PATL2: variants seen among roughly 807,000 people sequenced by gnomAD.
The protein encoded by PATL2 is PAT1 homolog 2, also known as protein PAT1 homolog 2.
Under a neutral mutation model 77.0 loss-of-function variants are expected in PATL2, and 73 were observed. The observed-to-expected ratio is 0.95, with a 90% confidence interval of 0.78 to 1.15. The LOEUF is 1.15. PATL2 is among the 50% of genes most tolerant of loss of function. The probability of loss-of-function intolerance (pLI) is 0.00; values close to 1 mark genes in which losing one functional copy is unlikely to be tolerated. For missense variants in PATL2, 618 were observed against 655.4 expected (o/e 0.94, Z 0.62); for synonymous variants, 265 against 257.1 (o/e 1.03, Z -0.29).
At position 44,698,961 on chromosome 15, in the gene PATL2, A is replaced by T. The variant is rs531357101; in HGVS notation, c.-76+11135T>A. ...TTTAATGAGGGTGAGCTGATATCTC[A>T]TTGTAGTTTTGATTTGCATTTGTCT... On this transcript the variant is annotated intron_variant, in intron 3 of 17. Transcript: ENST00000682850. Among the ~76,000 whole-genome samples, 13 of 152,174 alleles carry T rather than the reference A, an allele frequency of 8.5e-5. No individual in the cohort carries two copies. The East Asian group carries it at 2.3e-3, about 27-fold the overall frequency.
intron 9 of PATL2, among the ~76,000 whole-genome samples, 184 bp from the exon 10 acceptor site, chr15:44,670,271 C>T (rs1329226507): frequency 6.6e-6 from 1 of 152,196 alleles, no homozygotes; most frequent in Non-Finnish European, 1.5e-5. Context: ...CAATCTCTGG[C>T]TCACTGCAAC....
At chr15:44,695,191 A>T (rs969029935) in intron 3 of PATL2, among the ~76,000 whole-genome samples, 1 of 152,114 alleles carries the variant, frequency 6.6e-6, no homozygotes, top group African/African-American at 2.4e-5. Flanking sequence ...CCCTCAAAAA[A>T]AAAAAAGCAG....
chr15:44,688,269 A>AAAT (rs1195237181), intron 3 of PATL2, among the ~76,000 whole-genome samples: 3 of 150,946 alleles, frequency 2.0e-5, no homozygotes, highest in Admixed American at 6.6e-5. Context: ...AAAACTAGCT[A>AAAT]AATAATAATA....
chr15:44,686,518 C>T (rs578095289), intron 3 of PATL2, among the ~76,000 whole-genome samples: 1 of 152,166 alleles, frequency 6.6e-6, no homozygotes, highest in African/African-American at 2.4e-5. Context: ...TAAGAGCAAA[C>T]AAATTCAAAA....
At chr15:44,698,499 T>G (rs1485053082) in intron 3 of PATL2, among the ~76,000 whole-genome samples, 1 of 152,116 alleles carries the variant, frequency 6.6e-6, no homozygotes, top group Non-Finnish European at 1.5e-5. Context: ...AAGTTTGTCT[T>G]TCTATGCCTG....
chr15:44,707,496 T>A (rs1483261611), intron 3 of PATL2, among the ~76,000 whole-genome samples: 2 of 152,194 alleles, frequency 1.3e-5, no homozygotes, highest in African/African-American at 4.8e-5. Context: ...GGTTCCCTTC[T>A]GGCCCAGGGT....
chr15:44,701,027 T>C (rs1416134541), intron 3 of PATL2, among the ~76,000 whole-genome samples: 1 of 152,146 alleles, frequency 6.6e-6, no homozygotes, highest in Non-Finnish European at 1.5e-5. Context: ...GAAATGATCA[T>C]ATGGTTTTTG....
At chr15:44,666,120 C>T in intron 17 of PATL2, 149 bp from the exon 18 acceptor site, 1 of 905,150 alleles carries the variant, frequency 1.1e-6, no homozygotes, top group Non-Finnish European at 1.7e-6. Flanking sequence ...AGTTGTCCCT[C>T]AAGTATTTCT....
chr15:44,672,541 GATGGACA>G lies in PATL2; in HGVS notation c.447-92_447-86del, dbSNP rs2085742585. On this transcript the variant is annotated intron_variant, in intron 7 of 17. Transcript: ENST00000682850. Reference sequence around the variant, plus strand: ...CATTCATTCAGCCCAGGTCAGCTCTGATGGACATCTAAGGAACCTTATCTGTTTAGGT... The same window carrying G: ...CATTCATTCAGCCCAGGTCAGCTCTGTCTAAGGAACCTTATCTGTTTAGGT... 26 of 1,315,418 alleles carry G rather than the reference GATGGACA, an allele frequency of 2.0e-5. No individual in the cohort carries two copies. In the South Asian group the frequency reaches 3.3e-4, roughly 16 times the overall value. 81.5% of individuals were successfully genotyped at this position (1,315,418 alleles called of 1,614,324 possible).
chr15:44,674,555 TTATA>T (rs572307534), intron 5 of PATL2: 1 of 163,324 alleles, frequency 6.1e-6, no homozygotes, highest in African/African-American at 2.4e-5. Flanking sequence ...CTATGATAGT[TTATA>T]TATATATTTA....
chr15:44,678,822 T>C (rs1901526), intron 3 of PATL2, among the ~76,000 whole-genome samples: 1,919 of 152,202 alleles, frequency 0.013, 49 homozygotes, highest in African/African-American at 0.044. Flanking sequence ...ACATTAGAAA[T>C]ATTTACATTT....
At chr15:44,693,761 T>G (rs190734498) in intron 3 of PATL2, among the ~76,000 whole-genome samples, 224 of 152,122 alleles carry the variant, frequency 1.5e-3, no homozygotes, top group Non-Finnish European at 2.9e-3. Context: ...GGCGTGATCT[T>G]GGCTCACTGC....
intron 3 of PATL2, among the ~76,000 whole-genome samples, chr15:44,708,262 G>T (rs2141277492): frequency 6.6e-6 from 1 of 152,210 alleles, no homozygotes; most frequent in East Asian, 1.9e-4. Context: ...ATTCAATTTG[G>T]TGTTCCTGCA....
intron 3 of PATL2, among the ~76,000 whole-genome samples, chr15:44,708,149 C>T (rs148731080): frequency 9.8e-5 from 15 of 152,372 alleles, no homozygotes; most frequent in African/African-American, 3.4e-4. Flanking sequence ...CTGTCTTACC[C>T]TCTTCAGTTA....
At position 44,668,329 on chromosome 15, in the gene PATL2, C is replaced by T; in HGVS notation, c.1365+13G>A. ...AAAGCCATCTATGGAAAAAAGCCTC[C>T]TAGACATGTTACCTGATTCTGAAGC... On this transcript the variant is annotated intron_variant, in intron 15 of 17. Transcript: ENST00000682850. 1 of 1,549,038 alleles carries T rather than the reference C, an allele frequency of 6.5e-7. No homozygotes were observed. Among genetic ancestry groups the T allele is most frequent in the Non-Finnish European group, 8.7e-7 (1 of 1,146,322 alleles).
At chr15:44,695,714 A>C (rs1404892187) in intron 3 of PATL2, among the ~76,000 whole-genome samples, 1 of 152,202 alleles carries the variant, frequency 6.6e-6, no homozygotes, top group East Asian at 1.9e-4. Context: ...AAACAAAAAC[A>C]GTCACAAGCC....
chr15:44,711,359 T>A (rs2086858102), upstream of PATL2: 1 of 704,104 alleles, frequency 1.4e-6, no homozygotes, highest in Non-Finnish European at 2.5e-6. Flanking sequence ...TTCTTAAACA[T>A]CACGAGACTC....
chr15:44,710,846 AAATC>A (rs2141282844), intron 2 of PATL2, among the ~76,000 whole-genome samples, 21 bp downstream of exon 2: 1 of 54,494 alleles, frequency 1.8e-5, no homozygotes. Context: ...GCCCCCCGAC[AAATC>A]AACAGAACAA....
At chr15:44,676,091 A>G (rs1195889588) in intron 4 of PATL2, 8 of 326,882 alleles carry the variant, frequency 2.4e-5, no homozygotes, top group South Asian at 1.6e-4. Flanking sequence ...TCCCCTCTTC[A>G]ATTCCTTCAT....
Sources: allele counts gnomAD v4.1 joint callset (sites outside exome capture counted in the v4.1 genomes callset), GRCh38; gene constraint gnomAD v4.1.1; transcripts MANE v1.5; gene names NCBI Gene and HGNC (gene_info 2026-07-23, HGNC 2026-07-21).